Variants in CDH13 observed in about 807,000 individuals in gnomAD.
CDH13 encodes cadherin-13.
CDH13 carries 24 observed loss-of-function variants against 63.8 expected under a neutral mutation model. The observed-to-expected ratio is 0.38, with a 90% CI of 0.27 to 0.53. The LOEUF (loss-of-function observed/expected upper bound fraction) is 0.53. Among genes scored for constraint, CDH13 ranks in the 20% least tolerant of loss-of-function variants. CDH13 has a pLI of 0.85. For missense variants in CDH13, 1,049 were observed against 903.1 expected, an observed-to-expected ratio of 1.16 and a Z score of -2.07; for synonymous variants, 503 against 355.3, an observed-to-expected ratio of 1.42 and a Z score of -4.67.
At chr16:83,374,170 A>C (rs986182659) in intron 6 of CDH13, among the ~76,000 whole-genome samples, 2 of 152,202 alleles carry the variant, frequency 1.3e-5, no homozygotes, top group African/African-American at 4.8e-5. Flanking sequence ...TGATGGAGCA[A>C]AGTCTTAGTC....
chr16:83,174,218 A>G (rs188295580), intron 4 of CDH13, among the ~76,000 whole-genome samples: 18 of 152,192 alleles, frequency 1.2e-4, no homozygotes, highest in East Asian at 9.7e-4. Flanking sequence ...TGTCAAATCA[A>G]TTGAACATAT....
chr16:82,813,684 C>A (rs542455650), intron 1 of CDH13, among the ~76,000 whole-genome samples: 16 of 152,258 alleles, frequency 1.1e-4, no homozygotes, highest in African/African-American at 2.2e-4. Flanking sequence ...CCTTCTAGAG[C>A]CTGTGAGGCC....
At chr16:82,809,494 A>T (rs556809278) in intron 1 of CDH13, among the ~76,000 whole-genome samples, 1 of 152,148 alleles carries the variant, frequency 6.6e-6, no homozygotes, top group Non-Finnish European at 1.5e-5. Context: ...ATGGCTGAGC[A>T]GCTTCTTTAA....
chr16:83,111,021 AATT>A (rs2035031489), intron 3 of CDH13, among the ~76,000 whole-genome samples: 2 of 148,536 alleles, frequency 1.3e-5, no homozygotes, highest in Admixed American at 6.7e-5. Flanking sequence ...AAAAAAAAAA[AATT>A]AGCCGGGCGT....
intron 5 of CDH13, among the ~76,000 whole-genome samples, chr16:83,337,764 C>T (rs891766857): frequency 3.3e-5 from 5 of 150,154 alleles, no homozygotes; most frequent in South Asian, 2.1e-4. Context: ...TACAGACGCT[C>T]ATTGTGTGGT....
chr16:83,705,689 G>T (rs1010143907), intron 10 of CDH13, among the ~76,000 whole-genome samples: 1 of 152,190 alleles, frequency 6.6e-6, no homozygotes, highest in Non-Finnish European at 1.5e-5. Context: ...ACTACTAAGT[G>T]CCAGGCATTT....
At chr16:83,426,514 C>CACACACACACACAA (rs2071900908) in intron 6 of CDH13, among the ~76,000 whole-genome samples, 1 of 81,352 alleles carries the variant, frequency 1.2e-5, no homozygotes, top group Non-Finnish European at 2.7e-5. Flanking sequence ...AACAATCACA[C>CACACACACACACAA]ACACACACAC....
intron 2 of CDH13, among the ~76,000 whole-genome samples, chr16:82,899,659 T>C (rs906996532): frequency 1.4e-4 from 21 of 152,136 alleles, no homozygotes; most frequent in East Asian, 5.8e-4. Flanking sequence ...TTATAGTTTA[T>C]TGAGAGCATT....
chr16:83,437,008 A>G (rs1315167702), intron 6 of CDH13, among the ~76,000 whole-genome samples: 2 of 152,188 alleles, frequency 1.3e-5, no homozygotes, highest in Non-Finnish European at 2.9e-5. Flanking sequence ...TTGAGAACAA[A>G]TTAAATCAAA....
At chr16:83,732,996 C>T (rs1027734524) in intron 10 of CDH13, among the ~76,000 whole-genome samples, 13 of 152,340 alleles carry the variant, frequency 8.5e-5, no homozygotes, top group African/African-American at 2.9e-4. Flanking sequence ...TGGGAGCTCG[C>T]TACCTTGTGT....
chr16:83,099,653 A>G (rs1029228622), intron 3 of CDH13, among the ~76,000 whole-genome samples: 1 of 103,886 alleles, frequency 9.6e-6, no homozygotes, highest in East Asian at 6.2e-4. Context: ...CCTTAACATA[A>G]CAGCCCATGA....
rs1472700247 is a variant in CDH13 at position 83,216,443 on chromosome 16, T to TATATATATATATATAC, written c.484-901_484-900insTATATATATATATACA. Among the ~76,000 whole-genome samples the TATATATATATATATAC allele has an allele frequency of 2.8e-4, 26 of 93,432 alleles. 1 individual carries two copies. The highest frequency in any genetic ancestry group is 6.6e-4 in the South Asian group (2 of 3,034). 61.3% of individuals were successfully genotyped at this position (93,432 alleles called of 152,430 possible). On this transcript the variant is annotated intron_variant, in intron 4 of 13. Coordinates refer to ENST00000567109, the MANE Select transcript of CDH13 (RefSeq NM_001257.5). ...ATATATATATATATATATATATATATACACAACCCTAATTTGAGGTTTATA... is the reference window on the plus strand; with the variant it reads ...ATATATATATATATATATATATATATATATATATATATATACACACAACCCTAATTTGAGGTTTATA...
chr16:82,733,711 T>C (rs946298870), intron 1 of CDH13, among the ~76,000 whole-genome samples: 1 of 152,224 alleles, frequency 6.6e-6, no homozygotes, highest in Admixed American at 6.5e-5. Context: ...TAGTAAGGCT[T>C]ATGCTTTTAA....
intron 2 of CDH13, among the ~76,000 whole-genome samples, chr16:82,981,000 T>C (rs548096181): frequency 6.6e-6 from 1 of 152,214 alleles, no homozygotes; most frequent in South Asian, 2.1e-4. Context: ...CCCTAAATTT[T>C]GCCATTTCAG....
intron 2 of CDH13, among the ~76,000 whole-genome samples, chr16:82,905,007 T>G (rs1247032975): frequency 6.6e-6 from 1 of 152,126 alleles, no homozygotes; most frequent in Admixed American, 6.5e-5. Flanking sequence ...TTCAAAATTC[T>G]AGAGGCTCTG....
At chr16:83,186,261 C>T (rs915359314) in intron 4 of CDH13, among the ~76,000 whole-genome samples, 9 of 151,970 alleles carry the variant, frequency 5.9e-5, no homozygotes, top group Admixed American at 1.3e-4. Context: ...GACTCAGCCT[C>T]CTGAGTAGCT....
intron 1 of CDH13, among the ~76,000 whole-genome samples, chr16:82,632,893 G>C (rs113490131): frequency 6.6e-6 from 1 of 151,960 alleles, no homozygotes; most frequent in African/African-American, 2.4e-5. Flanking sequence ...GACACTGACA[G>C]ATCATCAGGC....
At chr16:83,543,943 G>A (rs1203848688) in intron 7 of CDH13, among the ~76,000 whole-genome samples, 1 of 152,220 alleles carries the variant, frequency 6.6e-6, no homozygotes, top group East Asian at 1.9e-4. Flanking sequence ...GACACTTGAT[G>A]TAGCCGGTAG....
At chr16:83,317,691 T>G (rs1489008739) in intron 5 of CDH13, among the ~76,000 whole-genome samples, 1 of 151,848 alleles carries the variant, frequency 6.6e-6, no homozygotes, top group African/African-American at 2.4e-5. Flanking sequence ...TCCCAGATAC[T>G]TGGGAGGCTG....
Sources: allele counts gnomAD v4.1 joint callset (sites outside exome capture counted in the v4.1 genomes callset), GRCh38; gene constraint gnomAD v4.1.1; transcripts MANE v1.5; gene names NCBI Gene and HGNC (gene_info 2026-07-23, HGNC 2026-07-21).